Variants in ATP2A3 observed in about 807,000 individuals in gnomAD.
The protein encoded by ATP2A3 is ATPase sarcoplasmic/endoplasmic reticulum Ca2+ transporting 3.
ATP2A3 carries 61 observed loss-of-function variants against 106.8 expected under a neutral mutation model. The ratio of observed to expected loss-of-function variants is 0.57; its 90% CI spans 0.46 to 0.71. ATP2A3 has a LOEUF of 0.71. Ranked by LOEUF, ATP2A3 falls within the 30% of genes least tolerant of loss-of-function variation. ATP2A3 has a pLI of 0.00. For missense variants in ATP2A3, 1,201 were observed against 1,423.5 expected, an observed-to-expected ratio of 0.84 and a Z score of 2.52; for synonymous variants, 611 against 609.3, an observed-to-expected ratio of 1.00 and a Z score of -0.04.
intron 17 of ATP2A3, among the ~76,000 whole-genome samples, chr17:3,932,204 C>T (rs1179207585): frequency 1.3e-5 from 2 of 152,120 alleles, no homozygotes; most frequent in Admixed American, 6.6e-5. Flanking sequence ...AGTGCAGTGG[C>T]GTGATCTTGG....
rs549431694 is a variant in ATP2A3 at position 3,928,619 on chromosome 17, G to C, written c.2980+44C>G. The C allele has an allele frequency of 8.1e-6, 12 of 1,486,068 alleles. No individual in the cohort carries two copies. Among genetic ancestry groups the C allele is most frequent in the Non-Finnish European group, 9.2e-6 (10 of 1,089,036 alleles). The allele number at this position is 1,486,068 out of a possible 1,614,324, so 92.1% of individuals were successfully genotyped here. On this transcript the variant is annotated intron_variant, in intron 20 of 20. Coordinates refer to ENST00000397041, the MANE Select transcript of ATP2A3 (RefSeq NM_005173.4). The surrounding 1 kb of genome is among the most constrained non-coding windows in gnomAD (Gnocchi z 6.1). The stretch of plus-strand genomic sequence containing the variant: ...TCCACTGCAGCCCAGGAGCAGAGGC[G>C]GGCGGGGAGGCAGGCTGGAGGCGGG...
At chr17:3,935,036 C>T (rs2053350507) in intron 17 of ATP2A3, 156 bp downstream of exon 17, 5 of 806,798 alleles carry the variant, frequency 6.2e-6, no homozygotes, top group African/African-American at 1.7e-5. Context: ...TTCCCGTGGG[C>T]TCTGAGCTCG....
chr17:3,944,558 G>A (rs770904341), intron 10 of ATP2A3, 146 bp downstream of exon 10: 10 of 777,068 alleles, frequency 1.3e-5, no homozygotes, highest in African/African-American at 1.2e-4. Context: ...GGGCGGCAGA[G>A]AGGGGTGTGC....
At position 3,941,004 on chromosome 17, in the gene ATP2A3, C is replaced by T. The variant is rs376802115; in HGVS notation, c.2067G>A (p.Glu689=). ...VEPAHKSRIV[E]NLQSFNEITA... ...TGATCTCGTTAAAGGACTGCAGGTT[C>T]TCCACGATGCGGGACTTGTGTGCGG... Residue 689 remains glutamate (E), a synonymous_variant, in exon 14 of 21, where the codon GAG becomes GAA. Coordinates refer to ENST00000397041, the MANE Select transcript of ATP2A3 (RefSeq NM_005173.4). The T allele has an allele frequency of 2.5e-6, 4 of 1,613,840 alleles. No individual in the cohort carries two copies. Among genetic ancestry groups the T allele is most frequent in the African/African-American group, 1.3e-5 (1 of 74,906 alleles).
intron 17 of ATP2A3, among the ~76,000 whole-genome samples, chr17:3,932,924 G>A (rs1418556432): frequency 3.3e-5 from 5 of 151,712 alleles, no homozygotes; most frequent in African/African-American, 9.8e-5. Context: ...CCTCCCACTC[G>A]GGCATGTGAA....
At chr17:3,942,556 C>G (rs2053840679) in intron 12 of ATP2A3, 50 bp downstream of exon 12, 1 of 1,596,060 alleles carries the variant, frequency 6.3e-7, no homozygotes. Context: ...CGTGGATGAC[C>G]AGGTTCCCCA....
chr17:3,941,581 G>A lies in ATP2A3; in HGVS notation c.1619C>T (p.Thr540Ile), dbSNP rs1358025655. The change falls in exon 13 of 21, where the codon ACC (threonine) becomes ATC (isoleucine). Residue 540 changes from threonine to isoleucine, a missense_variant. Physicochemically the swap from Thr to Ile is moderately conservative, Grantham distance 89. Coordinates refer to ENST00000397041, the MANE Select transcript of ATP2A3 (RefSeq NM_005173.4). ...CTTTGCCAGGATCTGCTCCCTGGAG[G>A]TGGGGGTCAGGGGTGCTGTGCGGCT... is the stretch of plus-strand genomic sequence containing the variant. ...VGSRTAPLTP[T>I]SREQILAKIR... 1 of 1,613,296 alleles carries A rather than the reference G, an allele frequency of 6.2e-7. No homozygotes were observed. Among genetic ancestry groups the A allele is most frequent in the African/African-American group, 1.3e-5 (1 of 75,052 alleles).
chr17:3,943,668 T>C, intron 10 of ATP2A3, 146 bp from the exon 11 acceptor site: 1 of 1,312,652 alleles, frequency 7.6e-7, no homozygotes, highest in South Asian at 1.3e-5. Context: ...CTTCCCAGCC[T>C]GGCCGCCCTG....
At chr17:3,927,287 A>G (rs1338831974) in intron 20 of ATP2A3, 1 of 985,378 alleles carries the variant, frequency 1.0e-6, no homozygotes, top group Non-Finnish European at 1.2e-6. Flanking sequence ...GTGCTGGCTG[A>G]GACATTTTAG....
At chr17:3,935,304 T>A in intron 16 of ATP2A3, 27 bp from the exon 17 acceptor site, 2 of 1,603,990 alleles carry the variant, frequency 1.2e-6, no homozygotes, top group South Asian at 1.1e-5. Flanking sequence ...AGACCGGCTG[T>A]AGAGAATGGC....
chr17:3,942,612 A>T lies in ATP2A3; in HGVS notation c.1539T>A (p.Phe513Leu). Reference sequence around the variant, plus strand: ...CAGCCAGGCAGGCCCCCACCTTCACAAACATCTTGCTGCCCTGGCCAGTAG... The same window carrying T: ...CAGCCAGGCAGGCCCCCACCTTCACTAACATCTTGCTGCCCTGGCCAGTAG... Reference protein sequence around the residue: ...PHPTGQGSKMFVKGAPESVIE... With the variant: ...PHPTGQGSKMLVKGAPESVIE... The change falls in exon 12 of 21, where the codon TTT becomes TTA. Residue 513 changes from phenylalanine to leucine, a missense_variant. Phe to Leu is a conservative substitution (Grantham distance 22). Coordinates refer to ENST00000397041, the MANE Select transcript of ATP2A3 (RefSeq NM_005173.4). 6.2e-7 allele frequency: 1 copy of T among 1,611,156 alleles called. No individual in the cohort carries two copies. The highest frequency in any genetic ancestry group is 1.3e-5 in the African/African-American group (1 of 75,042).
In ATP2A3 at chr17:3,928,007, T is replaced by C; in HGVS notation, c.2980+656A>G. 6.2e-7 allele frequency: 1 copy of C among 1,614,034 alleles called. No individual in the cohort carries two copies. The highest frequency in any genetic ancestry group is 8.5e-7 in the Non-Finnish European group (1 of 1,180,012). ...CCTGCTTCCTCCCTCTCTGAGCAGC[T>C]CTGACAGCGAGACGATGCTGTGTCC... On this transcript the variant is annotated intron_variant, in intron 20 of 20. Transcript: ENST00000397041. This position sits in a 1 kb window ranked among gnomAD's most constrained non-coding sequence, Gnocchi z 6.1.
chr17:3,940,838 A>T, intron 14 of ATP2A3, 133 bp downstream of exon 14: 1 of 1,167,768 alleles, frequency 8.6e-7, no homozygotes, highest in African/African-American at 1.5e-5. Flanking sequence ...TTCTTTTTGT[A>T]TTTGAATTTT....
Position 3,928,425 on chromosome 17 carries a change from A to C in ATP2A3, c.2980+238T>G. 8.0e-7 allele frequency: 1 copy of C among 1,244,000 alleles called. No individual in the cohort carries two copies. The highest frequency in any genetic ancestry group is 1.3e-5 in the South Asian group (1 of 78,878). The allele number at this position is 1,244,000 out of a possible 1,614,324, so 77.1% of individuals were successfully genotyped here. ...TGAAGACAGTGAGGCAGTGTGGCCCAAGAGGTGCTCCCGTTGCTGGCCCAG... is the reference window on the plus strand; with the variant it reads ...TGAAGACAGTGAGGCAGTGTGGCCCCAGAGGTGCTCCCGTTGCTGGCCCAG... On this transcript the variant is annotated intron_variant, in intron 20 of 20. Transcript: ENST00000397041. This position sits in a 1 kb window ranked among gnomAD's most constrained non-coding sequence, Gnocchi z 6.1.
At position 3,958,403 on chromosome 17, in the gene ATP2A3, A is replaced by G. The variant is rs558544788; in HGVS notation, c.119-4693T>C. On this transcript the variant is annotated intron_variant, in intron 1 of 20. Coordinates refer to ENST00000397041, the MANE Select transcript of ATP2A3 (RefSeq NM_005173.4). ...AGCAGGTGCTCAGTAAACATATGTG[A>G]TGGATGACTGACCCTGCCTCTGTCC... Among the ~76,000 whole-genome samples the G allele has an allele frequency of 1.3e-3, 198 of 152,232 alleles. 1 individual carries two copies. The highest frequency in any genetic ancestry group is 4.6e-3 in the African/African-American group (192 of 41,524).
intron 1 of ATP2A3, among the ~76,000 whole-genome samples, chr17:3,958,849 A>AATATATATATATAT (rs775662160): frequency 1.1e-3 from 96 of 84,200 alleles, no homozygotes; most frequent in South Asian, 2.6e-3. Context: ...CACATATATA[A>AATATATATATATAT]ATATATATAT....
intron 14 of ATP2A3, 133 bp downstream of exon 14, chr17:3,940,838 A>G: frequency 1.7e-6 from 2 of 1,167,770 alleles, no homozygotes; most frequent in Non-Finnish European, 2.5e-6. Context: ...TTCTTTTTGT[A>G]TTTGAATTTT....
chr17:3,933,108 T>G (rs2053208389), intron 17 of ATP2A3, among the ~76,000 whole-genome samples: 1 of 150,158 alleles, frequency 6.7e-6, no homozygotes, highest in Non-Finnish European at 1.5e-5. Flanking sequence ...ATGGTGAAAC[T>G]CCATCTCTAC....
intron 14 of ATP2A3, among the ~76,000 whole-genome samples, chr17:3,940,341 A>G (rs988264869): frequency 6.6e-6 from 1 of 152,140 alleles, no homozygotes; most frequent in Non-Finnish European, 1.5e-5. Context: ...GTGAGGGGGA[A>G]GTATGCCGAT....
Sources: gnomAD v4.1 joint callset for allele counts (sites outside exome capture counted in the v4.1 genomes callset) on GRCh38, gnomAD v4.1.1 for gene constraint, Gnocchi (gnomAD v3.1) non-coding constraint, MANE v1.5 for transcripts, NCBI Gene and HGNC (gene_info 2026-07-23, HGNC 2026-07-21) for gene names.